PACRGL: variants seen among roughly 807,000 people sequenced by gnomAD.
PACRGL encodes parkin coregulated like.
In PACRGL, 38 loss-of-function variants were observed where a neutral mutation model predicts 34.5. That is an observed-to-expected ratio of 1.10 (90% CI 0.85 to 1.44). The LOEUF is 1.44. Ranked by LOEUF, PACRGL falls within the 40% of genes most tolerant of loss-of-function variation. The probability of loss-of-function intolerance (pLI) is 0.00; values close to 1 mark genes in which losing one functional copy is unlikely to be tolerated. For synonymous variants in PACRGL, 128 were observed against 100.1 expected (o/e 1.28, Z -1.66); for missense variants, 305 against 281.4 (o/e 1.08, Z -0.60).
At chr4:20,737,060 A>AATATC (rs1205222537), downstream of PACRGL, among the ~76,000 whole-genome samples, 4 of 152,192 alleles carry the variant, frequency 2.6e-5, no homozygotes, top group Admixed American at 2.6e-4. Flanking sequence ...CTATGGAAAG[A>AATATC]ATAATCTCAA....
In PACRGL at chr4:20,730,259, T is replaced by C. The variant is rs1261988804; in HGVS notation, c.*2918T>C. Reference sequence around the variant, plus strand: ...CTATGCCAAAAGCTCAAATATTAAGTGTTTGCAAATGTAAATGCCATTCTA... The same window carrying C: ...CTATGCCAAAAGCTCAAATATTAAGCGTTTGCAAATGTAAATGCCATTCTA... On this transcript the variant is annotated 3_prime_UTR_variant, in exon 9 of 9. Coordinates refer to ENST00000503585, the MANE Select transcript of PACRGL (RefSeq NM_001258345.3). The C allele has an allele frequency of 8.0e-6, 9 of 1,128,240 alleles. No homozygotes were observed. Among genetic ancestry groups the C allele is most frequent in the Non-Finnish European group, 9.6e-6 (8 of 831,258 alleles). The allele number at this position is 1,128,240 out of a possible 1,614,324, so 69.9% of individuals were successfully genotyped here.
chr4:20,760,754 G>T, the PACRGL span, among the ~76,000 whole-genome samples: 1 of 152,080 alleles, frequency 6.6e-6, no homozygotes, highest in South Asian at 2.1e-4. Context: ...TCATGACAAG[G>T]TTTCGTATTA....
At chr4:20,720,225 C>G (rs1187147384) in intron 7 of PACRGL, among the ~76,000 whole-genome samples, 1 of 152,126 alleles carries the variant, frequency 6.6e-6, no homozygotes, top group Non-Finnish European at 1.5e-5. Flanking sequence ...ATGTGTGTCT[C>G]TGCACATGAG....
chr4:20,751,139 A>G lies in PACRGL; in HGVS notation c.*57-1426A>G, dbSNP rs74733766. On this transcript the variant is annotated intron_variant, in intron 8 of 8. Coordinates refer to the PACRGL transcript ENST00000507634. Reference sequence around the variant, plus strand: ...TGTACACTCAATTTCTCAAAATGACAGTGGCATCTTCGCTCATCTCTCACC... The same window carrying G: ...TGTACACTCAATTTCTCAAAATGACGGTGGCATCTTCGCTCATCTCTCACC... Among the ~76,000 whole-genome samples, 350 of 152,334 alleles carry G rather than the reference A, an allele frequency of 2.3e-3. 7 individuals are homozygous for G. In the South Asian group the frequency reaches 0.046, roughly 20 times the overall value.
the PACRGL span, among the ~76,000 whole-genome samples, chr4:20,759,381 T>TG: frequency 6.6e-6 from 1 of 152,270 alleles, no homozygotes; most frequent in East Asian, 1.9e-4. Flanking sequence ...GTTAACAGGA[T>TG]GTCTAGGCAT....
chr4:20,715,583 A>G (rs995827641), intron 7 of PACRGL, among the ~76,000 whole-genome samples: 15 of 151,994 alleles, frequency 9.9e-5, no homozygotes, highest in African/African-American at 2.7e-4. Flanking sequence ...TAAAAAGTAA[A>G]CCACCCGGGC....
chr4:20,719,124 G>C (rs1462358662), intron 7 of PACRGL: 1 of 152,230 alleles, frequency 6.6e-6, no homozygotes, highest in Admixed American at 6.5e-5. Flanking sequence ...GCATAGAGGT[G>C]TTTATAGTAT....
intron 8 of PACRGL, among the ~76,000 whole-genome samples, chr4:20,742,603 A>G (rs548890844): frequency 1.3e-5 from 2 of 152,160 alleles, no homozygotes; most frequent in Non-Finnish European, 1.5e-5. Flanking sequence ...CCCACAGCCA[A>G]TATCATACTG....
chr4:20,712,281 C>A lies in PACRGL; in HGVS notation c.367-507C>A, dbSNP rs577233756. ...TTTTTTTTTTCTTCTCCCTTCCTTCCCTTCTGTGAGTAGAGATTACTCCTG... is the reference window on the plus strand; with the variant it reads ...TTTTTTTTTTCTTCTCCCTTCCTTCACTTCTGTGAGTAGAGATTACTCCTG... On this transcript the variant is annotated intron_variant, in intron 5 of 8. Coordinates refer to ENST00000503585, the MANE Select transcript of PACRGL (RefSeq NM_001258345.3). 1.7e-4 allele frequency among the ~76,000 whole-genome samples: 26 copies of A among 149,002 alleles called. No homozygotes were observed. The East Asian group carries it at 4.7e-3, about 27-fold the overall frequency.
rs1302041407 is a variant in PACRGL, at chr4:20,727,339, TGAA to T, written c.*3_*5del. The T allele has an allele frequency of 1.2e-6, 2 of 1,611,668 alleles. No individual in the cohort carries two copies. The highest frequency in any genetic ancestry group is 2.2e-5 in the East Asian group (1 of 44,782). On this transcript the variant is annotated stop_retained_variant and 3_prime_UTR_variant, in exon 9 of 9. Coordinates refer to ENST00000503585, the MANE Select transcript of PACRGL (RefSeq NM_001258345.3). Reference sequence around the variant, plus strand: ...TCCAACATACTGCTCCATATGCTGTTGAAGAAGGGAGCCAACAAAAATTGTTTT... The same window carrying T: ...TCCAACATACTGCTCCATATGCTGTTGAAGGGAGCCAACAAAAATTGTTTT...
At chr4:20,734,449 G>C (rs1749095907), downstream of PACRGL, among the ~76,000 whole-genome samples, 1 of 152,098 alleles carries the variant, frequency 6.6e-6, no homozygotes, top group Non-Finnish European at 1.5e-5. Flanking sequence ...ATTTACTTTG[G>C]AGCTTCACCA....
chr4:20,700,105 T>C (rs1490482946), upstream of PACRGL, among the ~76,000 whole-genome samples: 1 of 152,134 alleles, frequency 6.6e-6, no homozygotes, highest in Non-Finnish European at 1.5e-5. Context: ...TCTCCGAGTA[T>C]TGAGGGTAAG....
intron 7 of PACRGL, chr4:20,716,340 T>TTTTTG: frequency 1.7e-6 from 1 of 586,052 alleles, no homozygotes. Flanking sequence ...AGTGTTTTTT[T>TTTTTG]TTTGTTTGTT....
chr4:20,710,133 A>G (rs534689987), intron 5 of PACRGL, among the ~76,000 whole-genome samples: 1 of 152,302 alleles, frequency 6.6e-6, no homozygotes, highest in African/African-American at 2.4e-5. Flanking sequence ...GATAGTGGTA[A>G]GTGGTTCTAT....
intron 7 of PACRGL, among the ~76,000 whole-genome samples, chr4:20,723,037 A>G (rs1482764450): frequency 6.6e-6 from 1 of 152,182 alleles, no homozygotes; most frequent in Non-Finnish European, 1.5e-5. Context: ...TACCTGGTTA[A>G]TGGTATAAGA....
the PACRGL span, among the ~76,000 whole-genome samples, chr4:20,760,157 T>C: frequency 9.8e-4 from 150 of 152,324 alleles, no homozygotes; most frequent in African/African-American, 3.2e-3. Context: ...TGGTAAGTTC[T>C]GTTTAGTCTC....
the PACRGL span, among the ~76,000 whole-genome samples, chr4:20,765,046 CAG>C: frequency 6.6e-6 from 1 of 152,308 alleles, no homozygotes; most frequent in African/African-American, 2.4e-5. Flanking sequence ...CAGGTTTTGA[CAG>C]AGACATCTTT....
At chr4:20,738,640 T>C (rs1045589207) in intron 8 of PACRGL, among the ~76,000 whole-genome samples, 7 of 152,164 alleles carry the variant, frequency 4.6e-5, no homozygotes, top group Admixed American at 1.3e-4. Flanking sequence ...GATGGCTACA[T>C]AGGAACAGCT....
At chr4:20,727,206 G>T in intron 8 of PACRGL, 79 bp from the exon 9 acceptor site, 2 of 1,243,644 alleles carry the variant, frequency 1.6e-6, no homozygotes, top group South Asian at 1.3e-5. Flanking sequence ...ATACTTTCTA[G>T]GCATATTCCT....
Sources: allele counts gnomAD v4.1 joint callset (sites outside exome capture counted in the v4.1 genomes callset), GRCh38; gene constraint gnomAD v4.1.1; transcripts MANE v1.5; gene names NCBI Gene and HGNC (gene_info 2026-07-23, HGNC 2026-07-21).